ARFGEF1: variants seen among roughly 807,000 people sequenced by gnomAD.
ARFGEF1 encodes the protein ARF guanine nucleotide exchange factor 1.
A neutral mutation model predicts 231.0 loss-of-function variants in ARFGEF1; 42 were observed. The ratio of observed to expected loss-of-function variants is 0.18; its 90% confidence interval spans 0.14 to 0.24. The LOEUF (loss-of-function observed/expected upper bound fraction) is 0.24, where lower values mean the gene tolerates loss of function less well. ARFGEF1 is among the 10% of genes least tolerant of loss of function. The pLI is 1.00. For synonymous variants in ARFGEF1, 710 were observed against 732.3 expected (o/e 0.97, Z 0.49); for missense variants, 1,345 against 2,192.0 (o/e 0.61, Z 7.72).
chr8:67,188,113 A>G (rs1835190044), intron 5 of ARFGEF1, among the ~76,000 whole-genome samples: 1 of 152,268 alleles, frequency 6.6e-6, no homozygotes, highest in African/African-American at 2.4e-5. Context: ...AGAGACTGTA[A>G]GAAATTATTT....
At chr8:67,246,662 A>G (rs1314739680) in intron 19 of ARFGEF1, among the ~76,000 whole-genome samples, 1 of 150,168 alleles carries the variant, frequency 6.7e-6, no homozygotes, top group Non-Finnish European at 1.5e-5. Flanking sequence ...AAGAAGAAAA[A>G]CTCCAAATAA....
intron 7 of ARFGEF1, among the ~76,000 whole-genome samples, chr8:67,279,029 C>T (rs1805426883): frequency 6.6e-6 from 1 of 151,964 alleles, no homozygotes; most frequent in South Asian, 2.1e-4. Flanking sequence ...TCTGGCAGGC[C>T]AAGGTGGGAG....
intron 34 of ARFGEF1, among the ~76,000 whole-genome samples, chr8:67,210,640 G>A (rs1045231667): frequency 1.3e-5 from 2 of 152,158 alleles, no homozygotes; most frequent in African/African-American, 4.8e-5. Flanking sequence ...GGTGGAGAAA[G>A]AAGACTCAGG....
chr8:67,343,230 A>G lies in ARFGEF1; in HGVS notation c.58T>C (p.Leu20=), dbSNP rs768754442. 33 of 1,613,668 alleles carry G rather than the reference A, an allele frequency of 2.0e-5. No homozygotes were observed. Among genetic ancestry groups the G allele is most frequent in the Non-Finnish European group, 2.6e-5 (31 of 1,179,824 alleles). The stretch of plus-strand genomic sequence containing the variant: ...GCCTTCTTCACTTCCTTGTCGGCCA[A>G]TATCTTCTCCAGAGCCCGGGTCAGG... ...MFLTRALEKI[L]ADKEVKKAHH... The change falls in exon 1 of 39, where the codon TTG becomes CTG. Residue 20 remains leucine (L), a synonymous_variant. Coordinates refer to ENST00000262215, the MANE Select transcript of ARFGEF1 (RefSeq NM_006421.5).
chr8:67,249,918 A>G (rs1840223943), intron 19 of ARFGEF1, among the ~76,000 whole-genome samples: 1 of 152,212 alleles, frequency 6.6e-6, no homozygotes, highest in South Asian at 2.1e-4. Context: ...CACCGTGCCT[A>G]GCTGAGAGGG....
At chr8:67,208,805 C>T (rs1198336163) in intron 34 of ARFGEF1, among the ~76,000 whole-genome samples, 1 of 152,106 alleles carries the variant, frequency 6.6e-6, no homozygotes, top group Admixed American at 6.5e-5. Flanking sequence ...ACACAAATTT[C>T]TCCAAATAAG....
chr8:67,283,098 AT>A (rs1354458216), intron 7 of ARFGEF1, among the ~76,000 whole-genome samples: 2 of 152,186 alleles, frequency 1.3e-5, no homozygotes, highest in African/African-American at 4.8e-5. Context: ...TGTTTGACCT[AT>A]AAAAATAATT....
At position 67,204,755 on chromosome 8, in the gene ARFGEF1, G is replaced by A. The variant is rs145636291; in HGVS notation, c.4884C>T (p.Ile1628=). Residue 1628 remains isoleucine (I), a synonymous_variant, in exon 35 of 39, where the codon ATC becomes ATT. Transcript: ENST00000262215. ...AGAAGACAATGTTGTCGATAGTCTG[G>A]ATGAGTTCCAGCTGCACAACACATT... ...LIKCVVQLEL[I]QTIDNIVFFP... 6.1e-4 allele frequency: 981 copies of A among 1,613,940 alleles called. 1 individual carries two copies. The highest frequency in any genetic ancestry group is 1.6e-3 in the Middle Eastern group (10 of 6,062).
At chr8:67,184,973 G>A (rs1462459455) in intron 5 of ARFGEF1, among the ~76,000 whole-genome samples, 1 of 147,442 alleles carries the variant, frequency 6.8e-6, no homozygotes, top group Non-Finnish European at 1.5e-5. Flanking sequence ...AAAAGGTGGT[G>A]GGCACCTATA....
intron 1 of ARFGEF1, among the ~76,000 whole-genome samples, chr8:67,320,250 A>AAAAAAAAAAAAT (rs1563914100): frequency 7.3e-6 from 1 of 136,712 alleles, no homozygotes. Context: ...AAAAAAAAAA[A>AAAAAAAAAAAAT]GTGCTCAACA....
chr8:67,200,547 G>A (rs751103497), intron 37 of ARFGEF1, 34 bp from the exon 38 acceptor site: 2 of 1,309,364 alleles, frequency 1.5e-6, no homozygotes, highest in Non-Finnish European at 2.2e-6. Flanking sequence ...AATGTTACTT[G>A]CGTATCTACT....
intron 36 of ARFGEF1, 115 bp downstream of exon 36, chr8:67,202,968 A>G (rs1199027530): frequency 9.3e-7 from 1 of 1,071,910 alleles, no homozygotes. Flanking sequence ...AGGTCAGAGT[A>G]CATATAGTGA....
chr8:67,336,402 A>G (rs1238130801), intron 1 of ARFGEF1, among the ~76,000 whole-genome samples: 1 of 152,230 alleles, frequency 6.6e-6, no homozygotes, highest in African/African-American at 2.4e-5. Flanking sequence ...GGGAACTTGC[A>G]TTCATTTCCT....
At chr8:67,275,608 A>C (rs1805280039) in intron 9 of ARFGEF1, among the ~76,000 whole-genome samples, 1 of 152,150 alleles carries the variant, frequency 6.6e-6, no homozygotes, top group East Asian at 1.9e-4. Flanking sequence ...TGGAAATAAG[A>C]ATTCATTAAT....
At chr8:67,235,182 T>A (rs1223157701) in intron 22 of ARFGEF1, among the ~76,000 whole-genome samples, 1 of 150,202 alleles carries the variant, frequency 6.7e-6, no homozygotes, top group Non-Finnish European at 1.5e-5. Context: ...AATAAAATAT[T>A]TAAAGGAATC....
At position 67,226,811 on chromosome 8, in the gene ARFGEF1, C is replaced by G. The variant is rs187528800; in HGVS notation, c.3916+326G>C. The stretch of plus-strand genomic sequence containing the variant: ...ATGGGTCTCAAGACCATCTCCATCA[C>G]TAGTTCTGTGACCTTACATAGACTG... On this transcript the variant is annotated intron_variant, in intron 27 of 38. Transcript: ENST00000262215. Among the ~76,000 whole-genome samples, 673 of 152,188 alleles carry G rather than the reference C, an allele frequency of 4.4e-3. 9 individuals carry two copies. Among genetic ancestry groups the G allele is most frequent in the African/African-American group, 0.015 (640 of 41,530 alleles).
At chr8:67,308,387 G>A (rs1212259963) in intron 1 of ARFGEF1, among the ~76,000 whole-genome samples, 1 of 152,218 alleles carries the variant, frequency 6.6e-6, no homozygotes, top group East Asian at 1.9e-4. Flanking sequence ...CAGCTACCTA[G>A]AGGTACAAAA....
chr8:67,175,929 C>T (rs148609332), intron 5 of ARFGEF1, among the ~76,000 whole-genome samples: 1 of 152,306 alleles, frequency 6.6e-6, no homozygotes, highest in Non-Finnish European at 1.5e-5. Flanking sequence ...TTAGTGGTTA[C>T]TAGGAGTGCA....
chr8:67,248,672 G>A lies in ARFGEF1; in HGVS notation c.2850+2627C>T, dbSNP rs1229126044. 3.3e-5 allele frequency among the ~76,000 whole-genome samples: 5 copies of A among 150,350 alleles called. 1 individual carries two copies. Among genetic ancestry groups the A allele is most frequent in the Admixed American group, 2.7e-4 (4 of 15,042 alleles). On this transcript the variant is annotated intron_variant, in intron 19 of 38. Coordinates refer to ENST00000262215, the MANE Select transcript of ARFGEF1 (RefSeq NM_006421.5). ...GTTAAAAAGCTTCTGCAAAGCAAAGGAAACAATCAACAAAGTGAAGAAACA... is the reference window on the plus strand; with the variant it reads ...GTTAAAAAGCTTCTGCAAAGCAAAGAAAACAATCAACAAAGTGAAGAAACA...
Sources: gnomAD v4.1 joint callset for allele counts (sites outside exome capture counted in the v4.1 genomes callset) on GRCh38, gnomAD v4.1.1 for gene constraint, MANE v1.5 for transcripts, NCBI Gene and HGNC (gene_info 2026-07-23, HGNC 2026-07-21) for gene names.